Variants in RPA2 observed in about 807,000 individuals in gnomAD.
RPA2 encodes the protein replication protein A2.
RPA2 carries 22 observed loss-of-function variants against 33.4 expected under a neutral mutation model. The ratio of observed to expected loss-of-function variants is 0.66; its 90% confidence interval spans 0.47 to 0.94. RPA2 has a LOEUF of 0.94. Ranked by LOEUF, RPA2 falls within the 40% of genes least tolerant of loss-of-function variation. The pLI is 0.00. For missense variants in RPA2, 279 were observed against 329.9 expected (o/e 0.85, Z 1.19); for synonymous variants, 109 against 114.9 (o/e 0.95, Z 0.33).
chr1:27,907,844 T>C (rs978433329), intron 2 of RPA2, among the ~76,000 whole-genome samples: 1 of 152,114 alleles, frequency 6.6e-6, no homozygotes, highest in Non-Finnish European at 1.5e-5. Context: ...ATGTTGGACA[T>C]CTTTTTAAAT....
chr1:27,892,570 A>T (rs2089837846), intron 8 of RPA2, among the ~76,000 whole-genome samples: 1 of 152,214 alleles, frequency 6.6e-6, no homozygotes, highest in South Asian at 2.1e-4. Context: ...TCACACTTGC[A>T]CACAAAATCT....
intron 4 of RPA2, 37 bp from the exon 5 acceptor site, chr1:27,897,744 T>A: frequency 6.9e-7 from 1 of 1,457,806 alleles, no homozygotes; most frequent in Non-Finnish European, 9.4e-7. Context: ...AAAGTTTTAG[T>A]GATGCTGGTA....
chr1:27,904,683 C>T (rs2090006337), intron 4 of RPA2, among the ~76,000 whole-genome samples: 3 of 151,778 alleles, frequency 2.0e-5, no homozygotes, highest in Non-Finnish European at 4.4e-5. Context: ...GCTCTGTTGC[C>T]CAGAGCAACA....
chr1:27,910,657 A>G (rs555595722), intron 2 of RPA2, among the ~76,000 whole-genome samples: 1 of 152,330 alleles, frequency 6.6e-6, no homozygotes, highest in South Asian at 2.1e-4. Context: ...ACATGGTTCA[A>G]TCATATTGAA....
chr1:27,893,951 C>A (rs2089857184), intron 8 of RPA2, 61 bp downstream of exon 8: 1 of 1,416,298 alleles, frequency 7.1e-7, no homozygotes. Context: ...TATCAGGAAA[C>A]CCTTGTGAGG....
At chr1:27,914,314 C>T in intron 1 of RPA2, 120 bp downstream of exon 1, 1 of 1,610,784 alleles carries the variant, frequency 6.2e-7, no homozygotes, top group Non-Finnish European at 8.5e-7. Flanking sequence ...CCCCAAACGC[C>T]CCAGCTCCGC....
chr1:27,911,212 A>G (rs2090092155), intron 2 of RPA2, among the ~76,000 whole-genome samples: 1 of 145,120 alleles, frequency 6.9e-6, no homozygotes, highest in Admixed American at 6.8e-5. Context: ...AGACTGTCTC[A>G]AAAAAAAAAT....
chr1:27,894,388 C>T lies in RPA2; in HGVS notation c.535G>A (p.Gly179Arg). ...CCTGGATTGCTGATAGGTGCTCTCCCTGCTGAGGGCTGAATTAAGAAATAA... is the reference window on the plus strand; with the variant it reads ...CCTGGATTGCTGATAGGTGCTCTCCTTGCTGAGGGCTGAATTAAGAAATAA... ...LSKANSQPSA[G>R]RAPISNPGMS... Residue 179 changes from glycine (G) to arginine (R), a missense_variant, in exon 7 of 9, where the codon GGG (glycine) becomes AGG (arginine). Transcript: ENST00000373912. 2 of 1,612,678 alleles carry T rather than the reference C, an allele frequency of 1.2e-6. No individual in the cohort carries two copies. Among genetic ancestry groups the T allele is most frequent in the Non-Finnish European group, 1.7e-6 (2 of 1,179,506 alleles).
chr1:27,898,566 C>T (rs549855223), intron 4 of RPA2, among the ~76,000 whole-genome samples: 4 of 139,812 alleles, frequency 2.9e-5, no homozygotes, highest in South Asian at 2.2e-4. Context: ...TTTTTTGAGA[C>T]GAAGTGTCTT....
chr1:27,914,230 G>A (rs761552892), intron 1 of RPA2, 61 bp from the exon 2 acceptor site: 40 of 1,605,266 alleles, frequency 2.5e-5, no homozygotes, highest in Non-Finnish European at 3.3e-5. Flanking sequence ...AAACCCGCAG[G>A]CTCCCGGAGG....
At chr1:27,907,564 G>A (rs2090044747) in intron 2 of RPA2, among the ~76,000 whole-genome samples, 1 of 152,188 alleles carries the variant, frequency 6.6e-6, no homozygotes, top group South Asian at 2.1e-4. Context: ...TGGGGGACAG[G>A]ATAAGGAAGA....
intron 4 of RPA2, among the ~76,000 whole-genome samples, chr1:27,905,854 C>A (rs905047533): frequency 4.2e-5 from 6 of 144,016 alleles, no homozygotes; most frequent in Admixed American, 3.5e-4. Context: ...GTCTTGATCT[C>A]CTGACCTCGT....
chr1:27,892,087 A>G lies in RPA2; in HGVS notation c.*76T>C. 1 of 1,234,370 alleles carries G rather than the reference A, an allele frequency of 8.1e-7. No individual in the cohort carries two copies. The highest frequency in any genetic ancestry group is 1.8e-5 in the Admixed American group (1 of 56,506). 76.5% of individuals were successfully genotyped at this position (1,234,370 alleles called of 1,614,324 possible). A position where few individuals can be genotyped will look rare whatever the true frequency, so the allele number is the denominator to read the frequency against. Reference sequence around the variant, plus strand: ...CTTCCTAGAAGCCCCCTGGCCAGACATATGCAGAGCTGGAGACAACAGATT... The same window carrying G: ...CTTCCTAGAAGCCCCCTGGCCAGACGTATGCAGAGCTGGAGACAACAGATT... On this transcript the variant is annotated 3_prime_UTR_variant, in exon 9 of 9. Transcript: ENST00000373912.
chr1:27,909,718 A>G (rs2090074613), intron 2 of RPA2, among the ~76,000 whole-genome samples: 1 of 150,096 alleles, frequency 6.7e-6, no homozygotes, highest in Non-Finnish European at 1.5e-5. Context: ...CAAAAAGAGA[A>G]AAAAAAAAAA....
chr1:27,895,710 G>A (rs546511376), intron 6 of RPA2, among the ~76,000 whole-genome samples: 3 of 152,188 alleles, frequency 2.0e-5, no homozygotes, highest in South Asian at 2.1e-4. Context: ...CAGCCTGGGC[G>A]AAAGAGCGAG....
chr1:27,913,468 ATCCCAGC>A (rs937365249), intron 2 of RPA2, among the ~76,000 whole-genome samples: 3 of 151,224 alleles, frequency 2.0e-5, no homozygotes, highest in African/African-American at 7.3e-5. Context: ...CATGCCTGTA[ATCCCAGC>A]TACTCGGGAC....
chr1:27,900,400 C>G (rs866348400), intron 4 of RPA2, among the ~76,000 whole-genome samples: 2 of 152,142 alleles, frequency 1.3e-5, no homozygotes, highest in Non-Finnish European at 2.9e-5. Flanking sequence ...GCATGAGCCA[C>G]CGCACCTGGC....
chr1:27,898,362 T>C (rs1363043645), intron 4 of RPA2, among the ~76,000 whole-genome samples: 3 of 152,006 alleles, frequency 2.0e-5, no homozygotes, highest in South Asian at 2.1e-4. Flanking sequence ...AATGATAACA[T>C]AGAATTCTAT....
chr1:27,909,118 G>C (rs2148661229), intron 2 of RPA2, among the ~76,000 whole-genome samples: 1 of 152,296 alleles, frequency 6.6e-6, no homozygotes, highest in Middle Eastern at 3.4e-3. Flanking sequence ...CAGTCTCCTA[G>C]AGGGAATATG....
Sources: allele counts gnomAD v4.1 joint callset (sites outside exome capture counted in the v4.1 genomes callset), GRCh38; gene constraint gnomAD v4.1.1; transcripts MANE v1.5; gene names NCBI Gene and HGNC (gene_info 2026-07-23, HGNC 2026-07-21).